Variants in TRIM24 observed in about 807,000 individuals in gnomAD.
TRIM24 encodes the protein transcription intermediary factor 1-alpha.
TRIM24 carries 29 observed loss-of-function variants against 123.9 expected under a neutral mutation model. The ratio of observed to expected loss-of-function variants is 0.23; its 90% CI spans 0.17 to 0.32. The LOEUF (loss-of-function observed/expected upper bound fraction) is 0.32. Among genes scored for constraint, TRIM24 ranks in the 10% least tolerant of loss-of-function variants. The pLI is 1.00. For missense variants in TRIM24, 932 were observed against 1,295.3 expected (o/e 0.72, Z 4.31); for synonymous variants, 456 against 461.1 (o/e 0.99, Z 0.14).
intron 2 of TRIM24, among the ~76,000 whole-genome samples, chr7:138,509,072 C>G (rs2116541440): frequency 6.6e-6 from 1 of 152,022 alleles, no homozygotes; most frequent in Non-Finnish European, 1.5e-5. Context: ...CCTCAGCCTC[C>G]CGAGTAGCTG....
At chr7:138,479,912 G>A (rs1312594484) in intron 1 of TRIM24, among the ~76,000 whole-genome samples, 3 of 151,924 alleles carry the variant, frequency 2.0e-5, no homozygotes, top group South Asian at 4.2e-4. Context: ...TTCTGCCCCC[G>A]GGTTCAAGCG....
chr7:138,562,564 C>T (rs1209907049), intron 9 of TRIM24, among the ~76,000 whole-genome samples: 1 of 152,092 alleles, frequency 6.6e-6, no homozygotes, highest in Non-Finnish European at 1.5e-5. Context: ...TTAGTAGAGT[C>T]GCTCACTCTA....
At chr7:138,557,584 G>A (rs1403524615) in intron 9 of TRIM24, among the ~76,000 whole-genome samples, 1 of 152,164 alleles carries the variant, frequency 6.6e-6, no homozygotes, top group Non-Finnish European at 1.5e-5. Flanking sequence ...AGGGTATCTG[G>A]AGACCATCCT....
At chr7:138,484,855 G>A (rs904979376) in intron 1 of TRIM24, among the ~76,000 whole-genome samples, 1 of 152,076 alleles carries the variant, frequency 6.6e-6, no homozygotes, top group Non-Finnish European at 1.5e-5. Flanking sequence ...TCTGGATTCA[G>A]TTTTCGTAAA....
intron 7 of TRIM24, among the ~76,000 whole-genome samples, chr7:138,546,636 G>A (rs770334590): frequency 6.6e-6 from 1 of 152,096 alleles, no homozygotes; most frequent in Non-Finnish European, 1.5e-5. Context: ...GCAGTTGGGT[G>A]GGCACTGGAG....
At chr7:138,512,875 C>A (rs1796320117) in intron 2 of TRIM24, among the ~76,000 whole-genome samples, 1 of 152,208 alleles carries the variant, frequency 6.6e-6, no homozygotes. Flanking sequence ...CATGGCCAGG[C>A]TGCAAACTTT....
intron 14 of TRIM24, 139 bp downstream of exon 14, chr7:138,577,727 T>C (rs1284218309): frequency 1.4e-6 from 1 of 738,710 alleles, no homozygotes; most frequent in African/African-American, 1.8e-5. Context: ...TCTCAGTAAA[T>C]TAAACAAAAA....
intron 9 of TRIM24, among the ~76,000 whole-genome samples, chr7:138,558,859 G>T (rs1797368942): frequency 6.6e-6 from 1 of 152,184 alleles, no homozygotes; most frequent in Non-Finnish European, 1.5e-5. Context: ...TGCCTTGGTG[G>T]TTGTTGATAA....
intron 6 of TRIM24, among the ~76,000 whole-genome samples, chr7:138,530,527 G>A (rs145061869): frequency 2.1e-3 from 320 of 152,086 alleles, no homozygotes; most frequent in African/African-American, 7.4e-3. Flanking sequence ...GTGCAATAGC[G>A]TGAATCACGG....
chr7:138,585,032 C>A lies in TRIM24; in HGVS notation c.*81C>A. On this transcript the variant is annotated 3_prime_UTR_variant, in exon 19 of 19. Transcript: ENST00000343526. ...ATTTGTCAGTAATTTAACATCACTA[C>A]AAAAAGAAGAGTTTGTGACTATTCT... The A allele has an allele frequency of 8.1e-7, 1 of 1,239,738 alleles. No homozygotes were observed. The highest frequency in any genetic ancestry group is 1.1e-6 in the Non-Finnish European group (1 of 890,690). 76.8% of individuals were successfully genotyped at this position (1,239,738 alleles called of 1,614,324 possible).
chr7:138,463,063 T>TG (rs1795047572), intron 1 of TRIM24, among the ~76,000 whole-genome samples: 1 of 143,300 alleles, frequency 7.0e-6, no homozygotes, highest in Non-Finnish European at 1.5e-5. Flanking sequence ...TTTTTTTTTT[T>TG]TTTTTTGGTA....
intron 1 of TRIM24, among the ~76,000 whole-genome samples, chr7:138,480,044 C>T (rs1303322848): frequency 2.0e-5 from 3 of 152,148 alleles, no homozygotes; most frequent in Non-Finnish European, 2.9e-5. Flanking sequence ...GTCTCAAACT[C>T]CTGAACTCAG....
intron 1 of TRIM24, among the ~76,000 whole-genome samples, chr7:138,503,111 A>G (rs1377118805): frequency 6.6e-6 from 1 of 152,044 alleles, no homozygotes; most frequent in South Asian, 2.1e-4. Flanking sequence ...ACTGATTTCT[A>G]GTGAACATCT....
rs551903708 is a variant in TRIM24 at position 138,460,889 on chromosome 7, G to T, written c.341G>T (p.Gly114Val). 123 of 1,517,678 alleles carry T rather than the reference G, an allele frequency of 8.1e-5. No homozygotes were observed. Among genetic ancestry groups the T allele is most frequent in the Non-Finnish European group, 9.3e-5 (106 of 1,141,666 alleles). The allele number at this position is 1,517,678 out of a possible 1,614,324, so 94.0% of individuals were successfully genotyped here. A position where few individuals can be genotyped will look rare whatever the true frequency, so the allele number is the denominator to read the frequency against. ...PVPAPGSPVS[G>V]SSPFATQVGV... is the part of the protein sequence containing the mutation. The stretch of plus-strand genomic sequence containing the variant: ...CCTGCCCCCGGCTCGCCGGTCAGCG[G>T]CTCGTCGCCGTTCGCCACCCAAGGT... Residue 114 changes from glycine (G) to valine (V), a missense_variant, in exon 1 of 19, where the codon GGC (glycine) becomes GTC (valine). This residue lies in a region of TRIM24 where 164 missense variants were observed against 181.9 expected (regional missense o/e 0.90). Transcript: ENST00000343526.
At chr7:138,473,715 A>G (rs1795328307) in intron 1 of TRIM24, among the ~76,000 whole-genome samples, 1 of 152,138 alleles carries the variant, frequency 6.6e-6, no homozygotes, top group African/African-American at 2.4e-5. Context: ...TTTCTTTTCC[A>G]TTTATCTATC....
intron 9 of TRIM24, among the ~76,000 whole-genome samples, chr7:138,561,706 C>G (rs1001059647): frequency 2.0e-5 from 3 of 152,080 alleles, no homozygotes; most frequent in African/African-American, 7.2e-5. Flanking sequence ...AATTAGGACC[C>G]CTATAGCAAT....
intron 3 of TRIM24, among the ~76,000 whole-genome samples, chr7:138,517,024 G>A (rs1796412537): frequency 6.6e-6 from 1 of 151,204 alleles, no homozygotes; most frequent in South Asian, 2.1e-4. Context: ...AGGACCACTT[G>A]AACCAGGGAG....
chr7:138,553,943 C>T (rs1797263775), intron 8 of TRIM24, among the ~76,000 whole-genome samples: 1 of 152,230 alleles, frequency 6.6e-6, no homozygotes, highest in African/African-American at 2.4e-5. Context: ...ACAGGACAGT[C>T]CAGTGGAAGT....
At chr7:138,502,303 C>A (rs1028321753) in intron 1 of TRIM24, among the ~76,000 whole-genome samples, 9 of 152,186 alleles carry the variant, frequency 5.9e-5, no homozygotes, top group African/African-American at 2.2e-4. Context: ...GAAATTGTTA[C>A]AACAATCCTG....
Sources: gnomAD v4.1 joint callset for allele counts (sites outside exome capture counted in the v4.1 genomes callset) on GRCh38, gnomAD v4.1.1 for gene constraint, gnomAD v4.1.1 regional missense constraint, MANE v1.5 for transcripts, NCBI Gene and HGNC (gene_info 2026-07-23, HGNC 2026-07-21) for gene names.